The following ABCB8 variants were observed in gnomAD, a reference collection of about 807,000 sequenced individuals.
ABCB8 encodes the protein mitochondrial potassium channel ATP-binding subunit.
ABCB8 carries 52 observed loss-of-function variants against 73.0 expected under a neutral mutation model. The ratio of observed to expected loss-of-function variants is 0.71; its 90% CI spans 0.57 to 0.90. ABCB8 has a LOEUF of 0.90. Among genes scored for constraint, ABCB8 ranks in the 40% least tolerant of loss-of-function variants. The pLI is 0.00. For missense variants in ABCB8, 909 were observed against 974.6 expected, an observed-to-expected ratio of 0.93 and a Z score of 0.90; for synonymous variants, 428 against 423.5, an observed-to-expected ratio of 1.01 and a Z score of -0.13.
At chr7:151,034,216 T>G in intron 2 of ABCB8, 57 bp from the exon 3 acceptor site, 1 of 1,542,842 alleles carries the variant, frequency 6.5e-7, no homozygotes. Flanking sequence ...TGGCTGGGGA[T>G]GGGGAGGAGT....
At chr7:151,035,820 C>A (rs534317961) in intron 6 of ABCB8, 62 bp from the exon 7 acceptor site, 274 of 1,610,256 alleles carry the variant, frequency 1.7e-4, no homozygotes, top group South Asian at 4.8e-4. Flanking sequence ...CTCCCTGTCC[C>A]CATCCTGGAC....
chr7:151,037,269 TC>T, intron 9 of ABCB8: 3 of 703,006 alleles, frequency 4.3e-6, no homozygotes, highest in Non-Finnish European at 7.8e-6. Flanking sequence ...CTGTCCGAAT[TC>T]CCTTCCGCTG....
intron 8 of ABCB8, 86 bp downstream of exon 8, chr7:151,036,256 C>A: frequency 2.3e-6 from 3 of 1,321,392 alleles, no homozygotes; most frequent in Non-Finnish European, 3.1e-6. Context: ...GCCCTCCCTT[C>A]ATCTGCTGGC....
rs145451109 is a variant in ABCB8, at chr7:151,047,613, G to C, written c.*2264G>C. On this transcript the variant is annotated 3_prime_UTR_variant, in exon 16 of 16. Coordinates refer to ENST00000358849, the MANE Select transcript of ABCB8 (RefSeq NM_007188.5). The stretch of plus-strand genomic sequence containing the variant: ...TGCAGCATGGTGTGTGCACACGTTT[G>C]GCTGGTGGAACCATGTTTCTACCAC... 1 of 152,224 alleles carries C rather than the reference G, an allele frequency of 6.6e-6. No homozygotes were observed. Among genetic ancestry groups the C allele is most frequent in the Non-Finnish European group, 1.5e-5 (1 of 68,044 alleles). 9.4% of individuals were successfully genotyped at this position (152,224 alleles called of 1,614,324 possible). A position where few individuals can be genotyped will look rare whatever the true frequency, so the allele number is the denominator to read the frequency against.
In ABCB8 at chr7:151,040,962, TC is replaced by T. The variant is rs1156392488; in HGVS notation, c.1483+41del. ...CCACCTCTTCACCCTCTGACTCTTC[TC>T]TAGCAGCCACTCAGAGCAAGGCCGG... On this transcript the variant is annotated intron_variant, in intron 12 of 15. Coordinates refer to ENST00000358849, the MANE Select transcript of ABCB8 (RefSeq NM_007188.5). The T allele has an allele frequency of 1.9e-6, 3 of 1,599,878 alleles. No individual in the cohort carries two copies. In the African/African-American group the frequency reaches 4.0e-5, roughly 21 times the overall value.
intron 8 of ABCB8, 107 bp downstream of exon 8, chr7:151,036,277 C>T (rs537104835): frequency 2.3e-5 from 27 of 1,155,824 alleles, no homozygotes; most frequent in South Asian, 9.1e-5. Context: ...TGCCTGCATT[C>T]GCCTCGGGCC....
chr7:151,040,173 TGCTTCCTTGCTCCCCCGCCCCACCGTG>T, intron 9 of ABCB8, 68 bp from the exon 10 acceptor site: 1 of 1,464,674 alleles, frequency 6.8e-7, no homozygotes, highest in East Asian at 2.3e-5. Flanking sequence ...ACAGGCCACC[TGCTTCCTTGCTCCCCCGCCCCACCGTG>T]GCTTCCTTCC....
intron 11 of ABCB8, 26 bp downstream of exon 11, chr7:151,040,660 G>C: frequency 6.2e-7 from 1 of 1,606,348 alleles, no homozygotes; most frequent in Non-Finnish European, 8.5e-7. Flanking sequence ...CAGGCGTGGG[G>C]ATGGGTCCCT....
chr7:151,031,067 C>T (rs1796148563), intron 1 of ABCB8, among the ~76,000 whole-genome samples: 1 of 152,190 alleles, frequency 6.6e-6, no homozygotes, highest in Admixed American at 6.5e-5. Context: ...ATGTTTCTTG[C>T]TGTAGGCCAC....
Position 151,028,603 on chromosome 7 carries a change from G to A in ABCB8, c.88G>A (p.Ala30Thr). ...GCCCCTCCGCTTCCAGACATTCTCAGCTGTCAGGTAAAAACGGAAAAACCT... is the reference window on the plus strand; with the variant it reads ...GCCCCTCCGCTTCCAGACATTCTCAACTGTCAGGTAAAAACGGAAAAACCT... ...LPPLRFQTFS[A>T]VRYSDGYRSS... The change falls in exon 1 of 16, where the codon GCT becomes ACT. Residue 30 changes from alanine to threonine, a missense_variant. Transcript: ENST00000358849. 1.2e-6 allele frequency: 2 copies of A among 1,613,584 alleles called. No individual in the cohort carries two copies. The highest frequency in any genetic ancestry group is 1.7e-5 in the Admixed American group (1 of 60,014).
chr7:151,036,331 A>G (rs1796307842), intron 8 of ABCB8, among the ~76,000 whole-genome samples, 161 bp downstream of exon 8: 1 of 152,156 alleles, frequency 6.6e-6, no homozygotes, highest in African/African-American at 2.4e-5. Flanking sequence ...CGATGTCCCA[A>G]CCCAGCTATG....
At chr7:151,028,638 G>C (rs751572165) in intron 1 of ABCB8, 28 bp downstream of exon 1, 3 of 1,603,234 alleles carry the variant, frequency 1.9e-6, no homozygotes, top group South Asian at 1.1e-5. Context: ...TACTCAGAGC[G>C]GGCCATTGAC....
rs1417499461 is a variant in ABCB8, at chr7:151,032,947, A to G, written c.96-658A>G. On this transcript the variant is annotated intron_variant, in intron 1 of 15. Coordinates refer to ENST00000358849, the MANE Select transcript of ABCB8 (RefSeq NM_007188.5). Reference sequence around the variant, plus strand: ...CATGGCACACTGGCAGAGTAGAGCCAGCCTGGGTGCTGGAGTCAGACTGCA... The same window carrying G: ...CATGGCACACTGGCAGAGTAGAGCCGGCCTGGGTGCTGGAGTCAGACTGCA... 2.2e-5 allele frequency: 10 copies of G among 452,480 alleles called. No individual in the cohort carries two copies. The East Asian group carries it at 7.0e-4, about 32-fold the overall frequency. The allele number at this position is 452,480 out of a possible 1,614,324, so 28.0% of individuals were successfully genotyped here. A position where few individuals can be genotyped will look rare whatever the true frequency, so the allele number is the denominator to read the frequency against.
At chr7:151,036,405 C>T (rs1220527810) in intron 8 of ABCB8, 139 bp from the exon 9 acceptor site, 12 of 890,474 alleles carry the variant, frequency 1.3e-5, no homozygotes, top group Non-Finnish European at 2.2e-5. Flanking sequence ...CCCACCCCAA[C>T]TTGCTCTTCC....
At chr7:151,036,200 C>G in intron 8 of ABCB8, 30 bp downstream of exon 8, 1 of 1,571,842 alleles carries the variant, frequency 6.4e-7, no homozygotes, top group African/African-American at 1.3e-5. Context: ...GCTGGAGGGG[C>G]GCTTGTGGGC....
intron 1 of ABCB8, 89 bp from the exon 2 acceptor site, chr7:151,033,516 C>G: frequency 6.7e-7 from 1 of 1,498,226 alleles, no homozygotes; most frequent in Non-Finnish European, 8.9e-7. Context: ...GTGCTCCTTC[C>G]AGAGGGCTCA....
intron 15 of ABCB8, 130 bp downstream of exon 15, chr7:151,044,351 A>T: frequency 7.0e-7 from 1 of 1,433,286 alleles, no homozygotes; most frequent in Non-Finnish European, 9.4e-7. Flanking sequence ...TTCTGGAAGC[A>T]GCGTCCCATA....
At chr7:151,032,995 A>G (rs1796204574) in intron 1 of ABCB8, 1 of 456,476 alleles carries the variant, frequency 2.2e-6, no homozygotes, top group Non-Finnish European at 4.4e-6. Flanking sequence ...TGCTCGTCCC[A>G]GTTCTGCTGC....
chr7:151,036,126 G>A lies in ABCB8; in HGVS notation c.1067G>A (p.Arg356His), dbSNP rs144862157. 192 of 1,613,444 alleles carry A rather than the reference G, an allele frequency of 1.2e-4. No homozygotes were observed. The highest frequency in any genetic ancestry group is 1.2e-3 in the African/African-American group (88 of 75,062). ...ACRCRAEELG[R>H]GIALFQGLSN... ...CGCTGCCGGGCAGAGGAGCTGGGCC[G>A]CGGCATCGCCTTGTTCCAAGGGCTT... Residue 356 changes from arginine (R) to histidine (H), a missense_variant, in exon 8 of 16, where the codon CGC becomes CAC. Coordinates refer to ENST00000358849, the MANE Select transcript of ABCB8 (RefSeq NM_007188.5).
Sources: gnomAD v4.1 joint callset for allele counts (sites outside exome capture counted in the v4.1 genomes callset) on GRCh38, gnomAD v4.1.1 for gene constraint, MANE v1.5 for transcripts, NCBI Gene and HGNC (gene_info 2026-07-23, HGNC 2026-07-21) for gene names.